Variants in TNIP1 observed in about 807,000 individuals in gnomAD.
TNIP1 encodes the protein TNFAIP3 interacting protein 1.
Under a neutral mutation model 86.6 loss-of-function variants are expected in TNIP1, and 22 were observed. The ratio of observed to expected loss-of-function variants is 0.25; its 90% CI spans 0.18 to 0.36. The LOEUF is 0.36. Among genes scored for constraint, TNIP1 ranks in the 10% least tolerant of loss-of-function variants. The probability of loss-of-function intolerance (pLI) is 1.00; values close to 1 mark genes in which losing one functional copy is unlikely to be tolerated. For synonymous variants in TNIP1, 294 were observed against 313.0 expected (o/e 0.94, Z 0.64); for missense variants, 709 against 820.6 (o/e 0.86, Z 1.66).
upstream of TNIP1, among the ~76,000 whole-genome samples, chr5:151,084,316 G>A (rs1405907907): frequency 6.6e-6 from 1 of 151,996 alleles, no homozygotes; most frequent in Non-Finnish European, 1.5e-5. Flanking sequence ...GTGGTGGTGG[G>A]CGCCTGTAAT....
chr5:151,035,758 A>C (rs1196716966), intron 13 of TNIP1, 51 bp from the exon 14 acceptor site: 1 of 1,606,090 alleles, frequency 6.2e-7, no homozygotes, highest in Non-Finnish European at 8.5e-7. Flanking sequence ...CTGAGTGGGG[A>C]TTTCTCCTCA....
At chr5:151,034,523 ACAG>A in intron 15 of TNIP1, 1 of 280,910 alleles carries the variant, frequency 3.6e-6, no homozygotes, top group South Asian at 2.9e-5. Flanking sequence ...GTAAATGGAC[ACAG>A]AAGGCTGGGC....
In TNIP1 at chr5:151,045,848, C is replaced by T. The variant is rs2113464086; in HGVS notation, c.936+13G>A. The T allele has an allele frequency of 6.2e-7, 1 of 1,613,634 alleles. No homozygotes were observed. The highest frequency in any genetic ancestry group is 1.1e-5 in the South Asian group (1 of 91,064). ...AGAGGGATCCTCCCACTACTGCCAC[C>T]TCGGCCACCTACCTCACTGCGCTGC... is the stretch of plus-strand genomic sequence containing the variant. On this transcript the variant is annotated intron_variant, in intron 9 of 17. Coordinates refer to ENST00000521591, the MANE Select transcript of TNIP1 (RefSeq NM_006058.5).
chr5:151,083,097 C>T (rs565791299), upstream of TNIP1, among the ~76,000 whole-genome samples: 5 of 152,334 alleles, frequency 3.3e-5, no homozygotes, highest in Middle Eastern at 3.4e-3. Context: ...TGATTTTTCT[C>T]ACTGCCTTGC....
At chr5:151,071,700 G>A (rs1257449880) in intron 1 of TNIP1, among the ~76,000 whole-genome samples, 2 of 151,992 alleles carry the variant, frequency 1.3e-5, no homozygotes, top group Non-Finnish European at 2.9e-5. Flanking sequence ...CTCCCCTCCT[G>A]CCTAACTTGT....
chr5:151,053,047 C>T (rs1426157241), intron 6 of TNIP1, among the ~76,000 whole-genome samples: 2 of 149,502 alleles, frequency 1.3e-5, no homozygotes, highest in East Asian at 4.0e-4. Context: ...CACGCCCTCA[C>T]AATGTGGCTG....
rs1761405489 is a variant in TNIP1 at position 151,060,403 on chromosome 5, G to A, written c.358-8C>T. The A allele has an allele frequency of 6.2e-7, 1 of 1,614,048 alleles. No homozygotes were observed. On this transcript the variant is annotated splice_polypyrimidine_tract_variant and splice_region_variant and intron_variant, in intron 4 of 17. Coordinates refer to ENST00000521591, the MANE Select transcript of TNIP1 (RefSeq NM_006058.5). ...AAATTCAGAGGAGGTGCCCTGTGCA[G>A]AAAGGAAGTTAGGTGCTGCCCGAGA...
chr5:151,064,852 ACTTGGG>A, intron 2 of TNIP1, 102 bp downstream of exon 2: 1 of 1,510,392 alleles, frequency 6.6e-7, no homozygotes. Flanking sequence ...ACAGGGGATG[ACTTGGG>A]CAGAGGCATA....
upstream of TNIP1, among the ~76,000 whole-genome samples, chr5:151,083,676 G>A: frequency 6.6e-6 from 1 of 152,172 alleles, no homozygotes; most frequent in Non-Finnish European, 1.5e-5. Context: ...TTGTTTTAAA[G>A]CACGCAACTT....
At chr5:151,067,120 CAA>C (rs1762327312) in intron 1 of TNIP1, among the ~76,000 whole-genome samples, 1 of 152,240 alleles carries the variant, frequency 6.6e-6, no homozygotes, top group Non-Finnish European at 1.5e-5. Context: ...ACTCCCATCA[CAA>C]GTCATCACCC....
At chr5:151,031,232 G>A (rs1415156517) in intron 17 of TNIP1, among the ~76,000 whole-genome samples, 8 of 152,122 alleles carry the variant, frequency 5.3e-5, no homozygotes, top group Admixed American at 3.9e-4. Context: ...CAAGGTGTCC[G>A]TCCCATGGCC....
chr5:151,073,772 T>C (rs1233829115), intron 1 of TNIP1, among the ~76,000 whole-genome samples: 2 of 152,118 alleles, frequency 1.3e-5, no homozygotes, highest in Non-Finnish European at 2.9e-5. Context: ...TGGTGGCACA[T>C]GCCTGGAGTC....
At chr5:151,055,414 C>T (rs1262631861) in intron 6 of TNIP1, among the ~76,000 whole-genome samples, 2 of 152,168 alleles carry the variant, frequency 1.3e-5, no homozygotes, top group African/African-American at 4.8e-5. Flanking sequence ...AGTGCTCTCA[C>T]CCCAGGCACC....
intron 15 of TNIP1, chr5:151,034,433 G>C (rs1453271415): frequency 1.0e-5 from 3 of 289,152 alleles, no homozygotes; most frequent in African/African-American, 2.5e-5. Flanking sequence ...TGGGTACATG[G>C]GCACGGAAGG....
chr5:151,051,266 C>T (rs1005903283), intron 7 of TNIP1, among the ~76,000 whole-genome samples: 1 of 152,168 alleles, frequency 6.6e-6, no homozygotes, highest in Non-Finnish European at 1.5e-5. Flanking sequence ...AGTTTATATT[C>T]CTTCTCTTTC....
chr5:151,074,915 C>T (rs1763209951), intron 1 of TNIP1, among the ~76,000 whole-genome samples: 1 of 152,142 alleles, frequency 6.6e-6, no homozygotes. Context: ...GTAGCTGGAA[C>T]TACAGGCATG....
intron 13 of TNIP1, 88 bp from the exon 14 acceptor site, chr5:151,035,795 G>A (rs1757624097): frequency 1.9e-6 from 3 of 1,556,290 alleles, no homozygotes; most frequent in Admixed American, 3.6e-5. Flanking sequence ...CCTCCTGCTG[G>A]GGTCACAGAT....
At chr5:151,053,566 G>A (rs1008808313) in intron 6 of TNIP1, among the ~76,000 whole-genome samples, 4 of 152,144 alleles carry the variant, frequency 2.6e-5, no homozygotes, top group Admixed American at 1.3e-4. Context: ...AAGAGGGGTC[G>A]CCAGACTCAG....
rs756582058 is a variant in TNIP1 at position 151,063,674 on chromosome 5, G to A, written c.210C>T (p.Asn70=). 9.9e-6 allele frequency: 16 copies of A among 1,614,142 alleles called. No individual in the cohort carries two copies. Among genetic ancestry groups the A allele is most frequent in the Admixed American group, 3.3e-5 (2 of 60,018 alleles). The change falls in exon 3 of 18, where the codon AAC becomes AAT. Residue 70 remains asparagine, a synonymous_variant. Coordinates refer to ENST00000521591, the MANE Select transcript of TNIP1 (RefSeq NM_006058.5). ...RQKAEELVKD[N]ELLPPPSPSL... is the part of the protein sequence containing the mutation. ...AGGGAGAAGGTGGTGGGAGCAGCTC[G>A]TTGTCCTTCACTAGCTCCTCTGCCT...
Sources: allele counts gnomAD v4.1 joint callset (sites outside exome capture counted in the v4.1 genomes callset), GRCh38; gene constraint gnomAD v4.1.1; transcripts MANE v1.5; gene names NCBI Gene and HGNC (gene_info 2026-07-23, HGNC 2026-07-21).